Variants in AGPAT4 observed in about 807,000 individuals in gnomAD.
The protein encoded by AGPAT4 is 1-acylglycerol-3-phosphate O-acyltransferase 4.
A neutral mutation model predicts 48.0 loss-of-function variants in AGPAT4; 15 were observed. That is an observed-to-expected ratio of 0.31 (90% CI 0.21 to 0.48). The LOEUF (loss-of-function observed/expected upper bound fraction) is 0.48. Among genes scored for constraint, AGPAT4 ranks in the 20% least tolerant of loss-of-function variants. The pLI is 0.99. For missense variants in AGPAT4, 314 were observed against 482.5 expected, an observed-to-expected ratio of 0.65 and a Z score of 3.27; for synonymous variants, 178 against 198.7, an observed-to-expected ratio of 0.90 and a Z score of 0.88.
In AGPAT4 at chr6:161,165,924, C is replaced by T. The variant is rs1257416231; in HGVS notation, c.348+324G>A. ...TAATTACAGCTGTGTGACTCTGAGC[C>T]GAATATTAAGCTCTATATAACTTAG... On this transcript the variant is annotated intron_variant, in intron 3 of 8. Coordinates refer to ENST00000320285, the MANE Select transcript of AGPAT4 (RefSeq NM_020133.3). This position sits in a 1 kb window ranked among gnomAD's most constrained non-coding sequence, Gnocchi z 5.5. 23 of 600,784 alleles carry T rather than the reference C, an allele frequency of 3.8e-5. No individual in the cohort carries two copies. The highest frequency in any genetic ancestry group is 1.9e-4 in the East Asian group (7 of 36,224). 37.2% of individuals were successfully genotyped at this position (600,784 alleles called of 1,614,324 possible).
At position 161,149,362 on chromosome 6, in the gene AGPAT4, T is replaced by C. The variant is rs1264775815; in HGVS notation, c.665-73A>G. ...AATTTTGTTCTGTAGATACACACAT[T>C]GGAAGACAATAATCAAATGGCTAAC... is the stretch of plus-strand genomic sequence containing the variant. On this transcript the variant is annotated intron_variant, in intron 5 of 8. Coordinates refer to ENST00000320285, the MANE Select transcript of AGPAT4 (RefSeq NM_020133.3). The surrounding 1 kb of genome is among the most constrained non-coding windows in gnomAD (Gnocchi z 6.5). 1 of 1,324,938 alleles carries C rather than the reference T, an allele frequency of 7.5e-7. No homozygotes were observed. The highest frequency in any genetic ancestry group is 2.6e-5 in the Admixed American group (1 of 38,034). 82.1% of individuals were successfully genotyped at this position (1,324,938 alleles called of 1,614,324 possible).
In AGPAT4 at chr6:161,148,203, T is replaced by C. The variant is rs553952028; in HGVS notation, c.767+984A>G. On this transcript the variant is annotated intron_variant, in intron 6 of 8. Coordinates refer to ENST00000320285, the MANE Select transcript of AGPAT4 (RefSeq NM_020133.3). The surrounding 1 kb of genome is among the most constrained non-coding windows in gnomAD (Gnocchi z 5.5). ...TAAAGGTCTCCTTCGGGCAGGTGGG[T>C]GATTCTCCTGCCTTCATATGCCACA... Among the ~76,000 whole-genome samples the C allele has an allele frequency of 1.4e-4, 21 of 152,274 alleles. No homozygotes were observed. Among genetic ancestry groups the C allele is most frequent in the Admixed American group, 4.6e-4 (7 of 15,286 alleles).
chr6:161,187,720 G>T (rs1780811914), intron 2 of AGPAT4, among the ~76,000 whole-genome samples: 1 of 151,704 alleles, frequency 6.6e-6, no homozygotes, highest in South Asian at 2.1e-4. Flanking sequence ...TTTTTTGTAT[G>T]TTTAGTAGAG....
At position 161,225,446 on chromosome 6, in the gene AGPAT4, T is replaced by C. The variant is rs1316183494; in HGVS notation, c.178+6590A>G. ...CTTCTATAGAAGTAACTTGCCTTGC[T>C]GAGAATTAAAAAGAAAATTTTATAT... On this transcript the variant is annotated intron_variant, in intron 2 of 8. Coordinates refer to ENST00000320285, the MANE Select transcript of AGPAT4 (RefSeq NM_020133.3). This position sits in a 1 kb window ranked among gnomAD's most constrained non-coding sequence, Gnocchi z 5.0. Among the ~76,000 whole-genome samples, 4 of 152,246 alleles carry C rather than the reference T, an allele frequency of 2.6e-5. No homozygotes were observed. The highest frequency in any genetic ancestry group is 1.3e-4 in the Admixed American group (2 of 15,286).
rs540127454 is a variant in AGPAT4 at position 161,180,493 on chromosome 6, G to A, written c.179-14076C>T. 1.6e-4 allele frequency among the ~76,000 whole-genome samples: 25 copies of A among 152,302 alleles called. 1 individual carries two copies. Among genetic ancestry groups the A allele is most frequent in the Middle Eastern group, 3.4e-3 (1 of 294 alleles). ...TGGGGAAATGGCCTTATGATCATTAGCTCTAACCAACTTTAACAATTATAT... is the reference window on the plus strand; with the variant it reads ...TGGGGAAATGGCCTTATGATCATTAACTCTAACCAACTTTAACAATTATAT... On this transcript the variant is annotated intron_variant, in intron 2 of 8. Transcript: ENST00000320285. The surrounding 1 kb of genome is among the most constrained non-coding windows in gnomAD (Gnocchi z 6.4).
intron 1 of AGPAT4, among the ~76,000 whole-genome samples, chr6:161,237,460 C>T (rs1055437462): frequency 2.0e-5 from 3 of 152,086 alleles, no homozygotes; most frequent in South Asian, 2.1e-4. Flanking sequence ...CTGAGTCATT[C>T]GTATAAGGAT....
rs1462862485 is a variant in AGPAT4, at chr6:161,259,429, C to T, written c.-90+14509G>A. 6.6e-6 allele frequency among the ~76,000 whole-genome samples: 1 copy of T among 151,980 alleles called. No individual in the cohort carries two copies. The highest frequency in any genetic ancestry group is 1.5e-5 in the Non-Finnish European group (1 of 68,012). On this transcript the variant is annotated intron_variant, in intron 1 of 8. Transcript: ENST00000320285. This position sits in a 1 kb window ranked among gnomAD's most constrained non-coding sequence, Gnocchi z 4.9. ...GCGTATGCTTTGAGTTGCTGGTGAT[C>T]ACGGACTTTTGTAGAGCCACCCGGT...
In AGPAT4 at chr6:161,246,174, T is replaced by C. The variant is rs1326841292; in HGVS notation, c.-89-13872A>G. ...TCTCTTCTTACTTCAGTCATCAAGCTCAGAGCAAAAGATGCTTGGAGAAGT... is the reference window on the plus strand; with the variant it reads ...TCTCTTCTTACTTCAGTCATCAAGCCCAGAGCAAAAGATGCTTGGAGAAGT... On this transcript the variant is annotated intron_variant, in intron 1 of 8. Coordinates refer to ENST00000320285, the MANE Select transcript of AGPAT4 (RefSeq NM_020133.3). This position sits in a 1 kb window ranked among gnomAD's most constrained non-coding sequence, Gnocchi z 5.5. Among the ~76,000 whole-genome samples, 1 of 152,208 alleles carries C rather than the reference T, an allele frequency of 6.6e-6. No homozygotes were observed. The highest frequency in any genetic ancestry group is 2.4e-5 in the African/African-American group (1 of 41,450).
At position 161,178,354 on chromosome 6, in the gene AGPAT4, T is replaced by C. The variant is rs1049978028; in HGVS notation, c.179-11937A>G. On this transcript the variant is annotated intron_variant, in intron 2 of 8. Transcript: ENST00000320285. This position sits in a 1 kb window ranked among gnomAD's most constrained non-coding sequence, Gnocchi z 5.1. ...AATGGCGGATGCCCCTCCCCGAACC[T>C]CGCTGCCGCCTTGCAGTTCGATCAG... Among the ~76,000 whole-genome samples the C allele has an allele frequency of 6.6e-6, 1 of 152,200 alleles. No individual in the cohort carries two copies. The highest frequency in any genetic ancestry group is 1.5e-5 in the Non-Finnish European group (1 of 68,032).
At chr6:161,193,567 T>C (rs1562332322) in intron 2 of AGPAT4, among the ~76,000 whole-genome samples, 1 of 152,162 alleles carries the variant, frequency 6.6e-6, no homozygotes, top group East Asian at 1.9e-4. Flanking sequence ...AACTTCCGAG[T>C]TGGCCACTAG....
chr6:161,241,263 CAAA>C (rs61634719), intron 1 of AGPAT4, among the ~76,000 whole-genome samples: 2,692 of 90,434 alleles, frequency 0.03, 40 homozygotes, highest in East Asian at 0.1. Context: ...AACTCTGTCT[CAAA>C]AAAAAAAAAA....
At position 161,272,024 on chromosome 6, in the gene AGPAT4, C is replaced by G. The variant is rs1783439408; in HGVS notation, c.-90+1914G>C. On this transcript the variant is annotated intron_variant, in intron 1 of 8. Coordinates refer to ENST00000320285, the MANE Select transcript of AGPAT4 (RefSeq NM_020133.3). The surrounding 1 kb of genome is among the most constrained non-coding windows in gnomAD (Gnocchi z 4.2). ...GAGTGTCATATTCTTTTTAGTAATA[C>G]TTTTCTGTGTGTTATGCCCTTTAAA... Among the ~76,000 whole-genome samples the G allele has an allele frequency of 1.3e-5, 2 of 152,214 alleles. No homozygotes were observed.
intron 2 of AGPAT4, among the ~76,000 whole-genome samples, chr6:161,175,687 T>A (rs1167298954): frequency 1.3e-5 from 2 of 152,206 alleles, no homozygotes; most frequent in Non-Finnish European, 2.9e-5. Flanking sequence ...AGTTTTTGAA[T>A]GTGTTTGCTC....
Position 161,165,607 on chromosome 6 carries a change from A to G in AGPAT4, c.348+641T>C. ...TACCGCAGATGACTCTGATTCAGCT[A>G]TGTGACACAGGCTCAACCGCTACAC... On this transcript the variant is annotated intron_variant, in intron 3 of 8. Transcript: ENST00000320285. The surrounding 1 kb of genome is among the most constrained non-coding windows in gnomAD (Gnocchi z 5.5). The G allele has an allele frequency of 1.5e-6, 2 of 1,301,586 alleles. No homozygotes were observed. The highest frequency in any genetic ancestry group is 2.0e-6 in the Non-Finnish European group (2 of 988,460). The allele number at this position is 1,301,586 out of a possible 1,614,324, so 80.6% of individuals were successfully genotyped here.
intron 2 of AGPAT4, among the ~76,000 whole-genome samples, chr6:161,172,737 G>A (rs1048648941): frequency 1.3e-5 from 2 of 152,106 alleles, no homozygotes; most frequent in African/African-American, 2.4e-5. Flanking sequence ...TTGGTGTGCT[G>A]CACCCATCAA....
intron 1 of AGPAT4, among the ~76,000 whole-genome samples, chr6:161,258,478 C>A (rs1002318857): frequency 1.3e-5 from 2 of 152,058 alleles, no homozygotes; most frequent in Non-Finnish European, 2.9e-5. Flanking sequence ...TATTTATGTT[C>A]ATGTCTTGAA....
chr6:161,248,594 A>AAAAAAC (rs59741511), intron 1 of AGPAT4, among the ~76,000 whole-genome samples: 3 of 138,554 alleles, frequency 2.2e-5, no homozygotes, highest in Non-Finnish European at 3.0e-5. Flanking sequence ...AAAAAAAAAA[A>AAAAAAC]CTAGGAATAC....
Position 161,273,981 on chromosome 6 carries a change from G to A in AGPAT4, c.-133C>T, listed in dbSNP as rs955255344. ...TGGCACATGGACTTAGAAACCAGAA[G>A]CTGAGATGGAGCCGGCTGGGTTCAG... On this transcript the variant is annotated 5_prime_UTR_variant, in exon 1 of 9. Transcript: ENST00000320285. 4 of 152,058 alleles carry A rather than the reference G, an allele frequency of 2.6e-5. No individual in the cohort carries two copies. The highest frequency in any genetic ancestry group is 5.9e-5 in the Non-Finnish European group (4 of 68,092). The allele number at this position is 152,058 out of a possible 1,614,324, so 9.4% of individuals were successfully genotyped here. A position where few individuals can be genotyped will look rare whatever the true frequency, so the allele number is the denominator to read the frequency against.
Position 161,133,372 on chromosome 6 carries a change from G to A in AGPAT4, c.*3168C>T, listed in dbSNP as rs1778963757. 1 of 152,168 alleles carries A rather than the reference G, an allele frequency of 6.6e-6. No homozygotes were observed. The highest frequency in any genetic ancestry group is 1.5e-5 in the Non-Finnish European group (1 of 68,024). 9.4% of individuals were successfully genotyped at this position (152,168 alleles called of 1,614,324 possible). The stretch of plus-strand genomic sequence containing the variant: ...CAGCTGCTTTTACAAAGCTTTGCAT[G>A]CATTTGTTTAGAGGATATTGCAGTC... On this transcript the variant is annotated 3_prime_UTR_variant, in exon 9 of 9. Coordinates refer to ENST00000320285, the MANE Select transcript of AGPAT4 (RefSeq NM_020133.3).
Sources: gnomAD v4.1 joint callset for allele counts (sites outside exome capture counted in the v4.1 genomes callset) on GRCh38, gnomAD v4.1.1 for gene constraint, Gnocchi (gnomAD v3.1) non-coding constraint, MANE v1.5 for transcripts, NCBI Gene and HGNC (gene_info 2026-07-23, HGNC 2026-07-21) for gene names.